Variants in STXBP6 observed in about 807,000 individuals in gnomAD.
STXBP6 encodes syntaxin-binding protein 6.
Under a neutral mutation model 26.9 loss-of-function variants are expected in STXBP6, and 21 were observed. That is an observed-to-expected ratio of 0.78 (90% CI 0.55 to 1.12). The LOEUF is 1.12. Among genes scored for constraint, STXBP6 ranks in the 50% most tolerant of loss-of-function variants. STXBP6 has a pLI of 0.00. For synonymous variants in STXBP6, 97 were observed against 92.6 expected (o/e 1.05, Z -0.27); for missense variants, 232 against 257.9 (o/e 0.90, Z 0.69).
chr14:24,950,021 G>A (rs2073110208), intron 2 of STXBP6, among the ~76,000 whole-genome samples: 1 of 152,104 alleles, frequency 6.6e-6, no homozygotes, highest in Non-Finnish European at 1.5e-5. Context: ...TGGTTCTGGA[G>A]GCTTCCTGAT....
intron 4 of STXBP6, among the ~76,000 whole-genome samples, chr14:24,823,187 T>C (rs2068188125): frequency 6.6e-6 from 1 of 152,182 alleles, no homozygotes; most frequent in South Asian, 2.1e-4. Flanking sequence ...AAAAAATATA[T>C]ACGCTGACAT....
chr14:24,943,953 A>C (rs1282741295), intron 2 of STXBP6, among the ~76,000 whole-genome samples: 1 of 150,468 alleles, frequency 6.6e-6, no homozygotes, highest in Non-Finnish European at 1.5e-5. Context: ...TGTATTAAGC[A>C]ACATGATTTT....
intron 2 of STXBP6, among the ~76,000 whole-genome samples, chr14:24,883,044 GT>G (rs1354946417): frequency 1.3e-5 from 2 of 152,100 alleles, no homozygotes; most frequent in Non-Finnish European, 2.9e-5. Flanking sequence ...GCATTCTGTT[GT>G]ATTTTCACAT....
chr14:24,922,087 TACTC>T (rs1325959156), intron 2 of STXBP6, among the ~76,000 whole-genome samples: 1 of 152,094 alleles, frequency 6.6e-6, no homozygotes, highest in Non-Finnish European at 1.5e-5. Context: ...CATTCTGACT[TACTC>T]TGTCAGCAGC....
At chr14:25,036,464 T>G (rs542819492) in intron 1 of STXBP6, among the ~76,000 whole-genome samples, 2 of 152,208 alleles carry the variant, frequency 1.3e-5, no homozygotes, top group Non-Finnish European at 2.9e-5. Flanking sequence ...TCAGGAAAAA[T>G]TTCTGAAAGT....
At chr14:24,864,807 T>C (rs545495452) in intron 2 of STXBP6, among the ~76,000 whole-genome samples, 1 of 152,294 alleles carries the variant, frequency 6.6e-6, no homozygotes, top group East Asian at 1.9e-4. Flanking sequence ...ATCTGCTCTC[T>C]TGGCTCTCCT....
At chr14:25,001,538 G>A (rs1295303979) in intron 1 of STXBP6, among the ~76,000 whole-genome samples, 2 of 152,104 alleles carry the variant, frequency 1.3e-5, no homozygotes, top group Admixed American at 6.5e-5. Flanking sequence ...TCTTCATTTC[G>A]GTAACTGTGG....
At chr14:24,897,338 A>AG (rs1435697267) in intron 2 of STXBP6, among the ~76,000 whole-genome samples, 4 of 133,092 alleles carry the variant, frequency 3.0e-5, no homozygotes, top group Non-Finnish European at 4.6e-5. Flanking sequence ...TGAACCCGGG[A>AG]GGGGGAGTTT....
At chr14:24,999,372 A>T (rs1395204431) in intron 1 of STXBP6, among the ~76,000 whole-genome samples, 1 of 152,212 alleles carries the variant, frequency 6.6e-6, no homozygotes, top group African/African-American at 2.4e-5. Context: ...CATGCAAGTA[A>T]GAGAAGCATG....
intron 2 of STXBP6, among the ~76,000 whole-genome samples, chr14:24,904,769 T>A (rs957153000): frequency 2.0e-5 from 3 of 152,170 alleles, no homozygotes; most frequent in Admixed American, 2.0e-4. Flanking sequence ...CACCCTGACC[T>A]TGGACTTCCA....
chr14:24,937,869 G>A (rs1433746786), intron 2 of STXBP6, among the ~76,000 whole-genome samples: 2 of 152,186 alleles, frequency 1.3e-5, no homozygotes, highest in Admixed American at 1.3e-4. Context: ...CAGGTTTTCA[G>A]ATATTTTGTT....
chr14:24,946,797 C>G (rs566045778), intron 2 of STXBP6, among the ~76,000 whole-genome samples: 6 of 152,168 alleles, frequency 3.9e-5, no homozygotes, highest in Non-Finnish European at 8.8e-5. Flanking sequence ...TTAATGGGAA[C>G]AGTTTCATAG....
intron 1 of STXBP6, among the ~76,000 whole-genome samples, chr14:24,976,463 AC>A (rs2074047275): frequency 6.6e-6 from 1 of 152,202 alleles, no homozygotes; most frequent in South Asian, 2.1e-4. Context: ...TAGATCTAAT[AC>A]CCACATCTAC....
At chr14:24,988,047 C>T (rs1477328289) in intron 1 of STXBP6, 1 of 185,998 alleles carries the variant, frequency 5.4e-6, no homozygotes, top group African/African-American at 2.4e-5. Context: ...ATAGACAGGT[C>T]TTGTGTGTTC....
intron 1 of STXBP6, among the ~76,000 whole-genome samples, chr14:24,984,181 G>A (rs188830540): frequency 1.3e-5 from 2 of 152,106 alleles, no homozygotes; most frequent in Admixed American, 6.5e-5. Context: ...GCAGTGAGCC[G>A]AGATCGTGCG....
intron 2 of STXBP6, among the ~76,000 whole-genome samples, chr14:24,862,521 G>T (rs1434682306): frequency 6.6e-6 from 1 of 152,160 alleles, no homozygotes; most frequent in African/African-American, 2.4e-5. Context: ...CTACTGAAAA[G>T]ATAATCACAA....
intron 2 of STXBP6, among the ~76,000 whole-genome samples, chr14:24,916,510 T>G (rs55792144): frequency 0.04 from 6,137 of 152,228 alleles, 362 homozygotes; most frequent in African/African-American, 0.13. Context: ...TTTATTTCTT[T>G]AAGAAGTTTA....
intron 2 of STXBP6, among the ~76,000 whole-genome samples, chr14:24,948,151 A>G (rs1478432179): frequency 6.6e-6 from 1 of 152,268 alleles, no homozygotes; most frequent in South Asian, 2.1e-4. Flanking sequence ...AAAATGTTTC[A>G]AAGGGACTTG....
At chr14:24,916,228 C>T (rs1026037675) in intron 2 of STXBP6, among the ~76,000 whole-genome samples, 1 of 152,062 alleles carries the variant, frequency 6.6e-6, no homozygotes, top group Non-Finnish European at 1.5e-5. Context: ...GAGAATGTAA[C>T]TGGGCTTAAA....
Sources: gnomAD v4.1 joint callset for allele counts (sites outside exome capture counted in the v4.1 genomes callset) on GRCh38, gnomAD v4.1.1 for gene constraint, MANE v1.5 for transcripts, NCBI Gene and HGNC (gene_info 2026-07-23, HGNC 2026-07-21) for gene names.